LRRC8A: variants seen among roughly 807,000 people sequenced by gnomAD.
LRRC8A encodes the protein leucine rich repeat containing 8 VRAC subunit A, also known as volume-regulated anion channel subunit LRRC8A.
Under a neutral mutation model 52.5 loss-of-function variants are expected in LRRC8A, and 24 were observed. That is an observed-to-expected ratio of 0.46 (90% CI 0.33 to 0.64). The LOEUF (loss-of-function observed/expected upper bound fraction) is 0.64, where lower values mean the gene tolerates loss of function less well. Ranked by LOEUF, LRRC8A falls within the 30% of genes least tolerant of loss-of-function variation. The pLI is 0.02. For missense variants in LRRC8A, 677 were observed against 1,094.7 expected (o/e 0.62, Z 5.38); for synonymous variants, 492 against 494.2 (o/e 1.00, Z 0.06).
intron 1 of LRRC8A, among the ~76,000 whole-genome samples, chr9:128,883,627 G>A (rs1044637385): frequency 6.6e-6 from 1 of 152,194 alleles, no homozygotes; most frequent in African/African-American, 2.4e-5. Flanking sequence ...TGGTCTCAGG[G>A]CTTTGGCATG....
chr9:128,888,458 C>T (rs183157966), intron 2 of LRRC8A, among the ~76,000 whole-genome samples: 1 of 152,268 alleles, frequency 6.6e-6, no homozygotes, highest in Admixed American at 6.5e-5. Flanking sequence ...AAGGAACAGG[C>T]AGACCCTGAC....
chr9:128,887,372 C>T (rs986473428), intron 2 of LRRC8A, among the ~76,000 whole-genome samples: 1 of 152,016 alleles, frequency 6.6e-6, no homozygotes, highest in East Asian at 1.9e-4. Context: ...CTACATTGCC[C>T]AGGCTGGTCT....
chr9:128,900,003 G>A (rs561105348), intron 2 of LRRC8A, among the ~76,000 whole-genome samples: 1 of 152,364 alleles, frequency 6.6e-6, no homozygotes, highest in Non-Finnish European at 1.5e-5. Context: ...GGCCTTGGTT[G>A]TCTGTTTCTG....
chr9:128,906,963 A>G (rs1840276504), intron 2 of LRRC8A, among the ~76,000 whole-genome samples, 194 bp from the exon 3 acceptor site: 1 of 152,226 alleles, frequency 6.6e-6, no homozygotes, highest in South Asian at 2.1e-4. Context: ...TTTCCCAGCC[A>G]AGTGGCCACA....
At chr9:128,906,909 TC>T in intron 2 of LRRC8A, among the ~76,000 whole-genome samples, 1 of 152,306 alleles carries the variant, frequency 6.6e-6, no homozygotes, top group Admixed American at 6.5e-5. Flanking sequence ...TGCTCAGTCT[TC>T]CTGTGTATTA....
chr9:128,886,661 G>A (rs1839409238), intron 2 of LRRC8A, among the ~76,000 whole-genome samples: 1 of 152,194 alleles, frequency 6.6e-6, no homozygotes, highest in Admixed American at 6.6e-5. Flanking sequence ...TCCTTGGCCT[G>A]TGCTTTGGAA....
rs1840359021 is a variant in LRRC8A at position 128,908,626 on chromosome 9, C to G, written c.1462C>G (p.Leu488Val). Residue 488 changes from leucine to valine, a missense_variant, in exon 3 of 4, where the codon CTG becomes GTG. Physicochemically the swap from Leu to Val is conservative, Grantham distance 32. Transcript: ENST00000372600. ...HTAAKIEAPA[L>V]AFLRENLRAL... is the part of the protein sequence containing the mutation. ...AGCGGCCAAGATTGAAGCGCCCGCG[C>G]TGGCCTTCCTGCGTGAGAACCTGCG... 1 of 1,612,554 alleles carries G rather than the reference C, an allele frequency of 6.2e-7. No individual in the cohort carries two copies. The highest frequency in any genetic ancestry group is 1.7e-5 in the Admixed American group (1 of 59,982).
chr9:128,900,035 G>C (rs374924220), intron 2 of LRRC8A, among the ~76,000 whole-genome samples: 5 of 152,330 alleles, frequency 3.3e-5, no homozygotes, highest in Middle Eastern at 3.4e-3. Flanking sequence ...CTCTCTTGTG[G>C]GTATCTAGTC....
chr9:128,890,877 G>A (rs1451539978), intron 2 of LRRC8A, among the ~76,000 whole-genome samples: 3 of 152,182 alleles, frequency 2.0e-5, no homozygotes, highest in Admixed American at 6.6e-5. Context: ...TTGGCTGGAC[G>A]TGGCGGTTCC....
At chr9:128,885,839 G>T (rs1839373164) in intron 1 of LRRC8A, among the ~76,000 whole-genome samples, 176 bp from the exon 2 acceptor site, 1 of 152,150 alleles carries the variant, frequency 6.6e-6, no homozygotes, top group Non-Finnish European at 1.5e-5. Flanking sequence ...AATGCGGGAG[G>T]CGGAGGTTGC....
chr9:128,911,982 C>G lies in LRRC8A; in HGVS notation c.2157+2661C>G, dbSNP rs1001710199. ...GAGGGGTGGGCGTGGCCTGCCCACG[C>G]CCTTGCGTGCTGTTTCTCCAGATTT... On this transcript the variant is annotated intron_variant, in intron 3 of 3. Transcript: ENST00000372600. This position sits in a 1 kb window ranked among gnomAD's most constrained non-coding sequence, Gnocchi z 4.9. 6.6e-6 allele frequency among the ~76,000 whole-genome samples: 1 copy of G among 152,360 alleles called. No individual in the cohort carries two copies. The highest frequency in any genetic ancestry group is 1.5e-5 in the Non-Finnish European group (1 of 68,032).
chr9:128,906,086 G>GT (rs1230322662), intron 2 of LRRC8A, among the ~76,000 whole-genome samples: 3 of 152,140 alleles, frequency 2.0e-5, no homozygotes, highest in Admixed American at 2.0e-4. Flanking sequence ...GTGACCTTTG[G>GT]TCTTCCGAGT....
intron 2 of LRRC8A, among the ~76,000 whole-genome samples, chr9:128,905,136 G>A (rs867467375): frequency 1.7e-4 from 26 of 151,964 alleles, no homozygotes; most frequent in African/African-American, 2.7e-4. Context: ...TCACGCCACC[G>A]CACTCTAGTT....
At chr9:128,890,162 GTGT>G (rs1231323411) in intron 2 of LRRC8A, among the ~76,000 whole-genome samples, 2 of 151,136 alleles carry the variant, frequency 1.3e-5, no homozygotes, top group East Asian at 3.9e-4. Context: ...GTGTGTGTGT[GTGT>G]GTGTGCTGGG....
Position 128,916,389 on chromosome 9 carries a change from C to T in LRRC8A, c.*18C>T. 2 of 1,599,154 alleles carry T rather than the reference C, an allele frequency of 1.3e-6. No homozygotes were observed. The highest frequency in any genetic ancestry group is 1.7e-6 in the Non-Finnish European group (2 of 1,171,838). On this transcript the variant is annotated 3_prime_UTR_variant, in exon 4 of 4. Transcript: ENST00000372600. The surrounding 1 kb of genome is among the most constrained non-coding windows in gnomAD (Gnocchi z 6.1). ...AGGCCTGAGCGAGGCCGGCCCAGCA[C>T]AGCAAGCAGCAGGACCGCTGCCCAG...
chr9:128,896,758 G>A (rs1024078180), intron 2 of LRRC8A, among the ~76,000 whole-genome samples: 1 of 151,656 alleles, frequency 6.6e-6, no homozygotes, highest in Non-Finnish European at 1.5e-5. Context: ...GTCTTGCTCT[G>A]TCACCCATGC....
chr9:128,889,777 G>C (rs1027678400), intron 2 of LRRC8A, among the ~76,000 whole-genome samples: 1 of 151,894 alleles, frequency 6.6e-6, no homozygotes, highest in African/African-American at 2.4e-5. Context: ...ACAGCCGTGA[G>C]CCACTGCGCC....
chr9:128,882,613 C>T (rs1039060111), intron 1 of LRRC8A: 4 of 398,700 alleles, frequency 1.0e-5, no homozygotes, highest in African/African-American at 8.2e-5. Context: ...CCTAGAGGTT[C>T]CACCTCTGGG....
At chr9:128,893,383 A>G (rs906792039) in intron 2 of LRRC8A, among the ~76,000 whole-genome samples, 5 of 152,174 alleles carry the variant, frequency 3.3e-5, no homozygotes, top group Non-Finnish European at 5.9e-5. Context: ...GTATTGACAC[A>G]TGATGCCTTA....
Sources: gnomAD v4.1 joint callset for allele counts (sites outside exome capture counted in the v4.1 genomes callset) on GRCh38, gnomAD v4.1.1 for gene constraint, Gnocchi (gnomAD v3.1) non-coding constraint, MANE v1.5 for transcripts, NCBI Gene and HGNC (gene_info 2026-07-23, HGNC 2026-07-21) for gene names.